ZDHHC14: variants seen among roughly 807,000 people sequenced by gnomAD.
ZDHHC14 encodes the protein palmitoyltransferase ZDHHC14.
Under a neutral mutation model 47.7 loss-of-function variants are expected in ZDHHC14, and 16 were observed. The ratio of observed to expected loss-of-function variants is 0.34; its 90% CI spans 0.23 to 0.51. The LOEUF (loss-of-function observed/expected upper bound fraction) is 0.51. ZDHHC14 is among the 20% of genes least tolerant of loss of function. The pLI, the probability that ZDHHC14 is intolerant of heterozygous loss-of-function variation, is 0.97. For synonymous variants in ZDHHC14, 293 were observed against 278.9 expected (o/e 1.05, Z -0.50); for missense variants, 515 against 662.5 (o/e 0.78, Z 2.44).
chr6:157,624,415 C>G (rs1218219440), intron 3 of ZDHHC14, among the ~76,000 whole-genome samples: 1 of 152,230 alleles, frequency 6.6e-6, no homozygotes, highest in Non-Finnish European at 1.5e-5. Flanking sequence ...ATCAAGCTGA[C>G]TGACATGGAA....
intron 1 of ZDHHC14, among the ~76,000 whole-genome samples, chr6:157,441,542 GA>G (rs1778560401): frequency 6.6e-6 from 1 of 152,104 alleles, no homozygotes; most frequent in East Asian, 1.9e-4. Flanking sequence ...ACGGATGAAA[GA>G]AAAGAAAAAA....
intron 1 of ZDHHC14, among the ~76,000 whole-genome samples, chr6:157,490,159 G>T (rs1369138162): frequency 1.3e-5 from 2 of 152,164 alleles, no homozygotes; most frequent in Admixed American, 1.3e-4. Context: ...GGTTGGGCGA[G>T]GGGGGAACAG....
At chr6:157,528,595 G>A (rs553598545) in intron 1 of ZDHHC14, among the ~76,000 whole-genome samples, 46 of 152,246 alleles carry the variant, frequency 3.0e-4, no homozygotes, top group African/African-American at 1.1e-3. Context: ...AGCCAGGCGT[G>A]GTGGCAGGTG....
At chr6:157,387,030 C>T (rs1458612585) in intron 1 of ZDHHC14, among the ~76,000 whole-genome samples, 3 of 152,094 alleles carry the variant, frequency 2.0e-5, no homozygotes, top group African/African-American at 7.2e-5. Context: ...AGATCTGGGG[C>T]TTGACTGGGT....
chr6:157,672,625 C>CA, intron 8 of ZDHHC14, 99 bp from the exon 9 acceptor site: 7 of 229,144 alleles, frequency 3.1e-5, no homozygotes, highest in South Asian at 9.2e-5. Context: ...TCTTCTCGCA[C>CA]CCCACCCTCC....
At chr6:157,530,542 C>T (rs181370280) in intron 1 of ZDHHC14, among the ~76,000 whole-genome samples, 15 of 152,288 alleles carry the variant, frequency 9.8e-5, no homozygotes, top group African/African-American at 2.9e-4. Flanking sequence ...ACTTTTGAAG[C>T]TGTCTTTGCC....
intron 1 of ZDHHC14, among the ~76,000 whole-genome samples, chr6:157,453,643 T>G (rs1038098270): frequency 1.3e-5 from 2 of 152,228 alleles, no homozygotes; most frequent in Non-Finnish European, 2.9e-5. Context: ...TCAGTAGGTA[T>G]TTCTTGAGCA....
chr6:157,447,638 C>A (rs539519815), intron 1 of ZDHHC14, among the ~76,000 whole-genome samples: 1 of 152,174 alleles, frequency 6.6e-6, no homozygotes, highest in East Asian at 1.9e-4. Flanking sequence ...GAGGAAGACC[C>A]GGGGGTCCAG....
chr6:157,450,777 G>C (rs1218261664), intron 1 of ZDHHC14, among the ~76,000 whole-genome samples: 1 of 152,160 alleles, frequency 6.6e-6, no homozygotes, highest in African/African-American at 2.4e-5. Context: ...AGTGTACAAA[G>C]AGAAATAAAC....
At chr6:157,522,961 CTTT>C (rs1562460969) in intron 1 of ZDHHC14, among the ~76,000 whole-genome samples, 14 of 46,380 alleles carry the variant, frequency 3.0e-4, no homozygotes, top group African/African-American at 1.1e-3. Context: ...TTCCTTCCTT[CTTT>C]CTTTTCTTTT....
chr6:157,507,972 G>A (rs1780371437), intron 1 of ZDHHC14, among the ~76,000 whole-genome samples: 1 of 152,142 alleles, frequency 6.6e-6, no homozygotes, highest in Non-Finnish European at 1.5e-5. Flanking sequence ...GTCAAGTTGG[G>A]TATACAAATA....
chr6:157,605,107 G>C (rs1784485963), intron 3 of ZDHHC14, among the ~76,000 whole-genome samples: 1 of 152,222 alleles, frequency 6.6e-6, no homozygotes, highest in African/African-American at 2.4e-5. Flanking sequence ...TTAAAGCCTA[G>C]AAACTTTGAT....
intron 1 of ZDHHC14, among the ~76,000 whole-genome samples, chr6:157,413,063 A>T (rs1777903829): frequency 6.6e-6 from 1 of 152,212 alleles, no homozygotes; most frequent in African/African-American, 2.4e-5. Context: ...TAGTCTTGGA[A>T]GTGAGGGAGA....
chr6:157,480,086 T>A (rs1329638302), intron 1 of ZDHHC14, among the ~76,000 whole-genome samples: 1 of 152,078 alleles, frequency 6.6e-6, no homozygotes, highest in African/African-American at 2.4e-5. Flanking sequence ...AGTGAACTGT[T>A]TGATAGGTGG....
intron 7 of ZDHHC14, 137 bp downstream of exon 7, chr6:157,647,505 TC>T: frequency 1.7e-6 from 1 of 572,414 alleles, no homozygotes; most frequent in East Asian, 2.9e-5. Context: ...GATGTGGCCT[TC>T]GTGAAATCGA....
At chr6:157,568,899 G>A (rs1337748873) in intron 2 of ZDHHC14, among the ~76,000 whole-genome samples, 4 of 152,120 alleles carry the variant, frequency 2.6e-5, no homozygotes, top group Non-Finnish European at 5.9e-5. Flanking sequence ...ATTTCTTTGT[G>A]TGAGTTGCCT....
intron 3 of ZDHHC14, among the ~76,000 whole-genome samples, chr6:157,601,912 A>G (rs576956185): frequency 1.3e-5 from 2 of 152,342 alleles, no homozygotes; most frequent in East Asian, 3.9e-4. Flanking sequence ...GAGATAAAGA[A>G]TGCATTCAGG....
chr6:157,505,734 T>TA (rs11301558), intron 1 of ZDHHC14, among the ~76,000 whole-genome samples: 59 of 151,844 alleles, frequency 3.9e-4, no homozygotes, highest in African/African-American at 1.1e-3. Context: ...GATCAGAAGT[T>TA]AAAAAAAAAA....
At chr6:157,402,528 C>T (rs955143342) in intron 1 of ZDHHC14, among the ~76,000 whole-genome samples, 1 of 152,220 alleles carries the variant, frequency 6.6e-6, no homozygotes, top group African/African-American at 2.4e-5. Flanking sequence ...TCCACTTCAT[C>T]CTCCCTTCTT....
Sources: allele counts gnomAD v4.1 joint callset (sites outside exome capture counted in the v4.1 genomes callset), GRCh38; gene constraint gnomAD v4.1.1; transcripts MANE v1.5; gene names NCBI Gene and HGNC (gene_info 2026-07-23, HGNC 2026-07-21).